PDZD9: variants seen among roughly 807,000 people sequenced by gnomAD.
PDZD9 encodes PDZ domain containing 9, also known as PDZ domain-containing protein 9.
In PDZD9, 13 loss-of-function variants were observed where a neutral mutation model predicts 16.3. The observed-to-expected ratio is 0.80, with a 90% CI of 0.52 to 1.27. The LOEUF (loss-of-function observed/expected upper bound fraction) is 1.27, where lower values mean the gene tolerates loss of function less well. PDZD9 is among the 50% of genes most tolerant of loss of function. The probability of loss-of-function intolerance (pLI) is 0.00; values close to 1 mark genes in which losing one functional copy is unlikely to be tolerated. For missense variants in PDZD9, 288 were observed against 310.9 expected (o/e 0.93, Z 0.55); for synonymous variants, 120 against 111.0 (o/e 1.08, Z -0.51).
At chr16:21,992,140 G>T (rs536609998) in intron 2 of PDZD9, among the ~76,000 whole-genome samples, 1 of 152,088 alleles carries the variant, frequency 6.6e-6, no homozygotes, top group Non-Finnish European at 1.5e-5. Context: ...GAGGCAGGAG[G>T]ATTGCTTGAG....
At chr16:21,995,071 C>T (rs182484793) in intron 2 of PDZD9, among the ~76,000 whole-genome samples, 188 of 152,178 alleles carry the variant, frequency 1.2e-3, no homozygotes, top group Non-Finnish European at 2.1e-3. Flanking sequence ...CTGTAGTCCC[C>T]GGTGTTGGAG....
the PDZD9 span, among the ~76,000 whole-genome samples, chr16:21,967,847 C>G: frequency 1.3e-5 from 2 of 152,096 alleles, no homozygotes; most frequent in African/African-American, 4.8e-5. Context: ...TGGTAAAACT[C>G]TGTTAGCCCT....
At chr16:21,969,311 A>G in the PDZD9 span, among the ~76,000 whole-genome samples, 18 of 152,090 alleles carry the variant, frequency 1.2e-4, no homozygotes, top group Non-Finnish European at 2.4e-4. Flanking sequence ...AGGCGGGCGG[A>G]TCACCTGAGG....
downstream of PDZD9, among the ~76,000 whole-genome samples, chr16:21,979,705 A>G (rs1056398039): frequency 6.6e-6 from 1 of 151,706 alleles, no homozygotes; most frequent in Non-Finnish European, 1.5e-5. Context: ...CTGGGACATT[A>G]CTGTGCACTG....
chr16:21,962,576 C>T, the PDZD9 span: 62 of 1,610,066 alleles, frequency 3.9e-5, no homozygotes, highest in Non-Finnish European at 4.9e-5. Context: ...CTGCTCACTT[C>T]TGGTCTTTGT....
chr16:21,989,983 C>G (rs1415774736), intron 2 of PDZD9, among the ~76,000 whole-genome samples: 1 of 152,180 alleles, frequency 6.6e-6, no homozygotes, highest in Non-Finnish European at 1.5e-5. Context: ...GGAGGAGATG[C>G]AAAAGAGTGA....
chr16:22,000,409 T>A (rs1597986118), intron 1 of PDZD9, among the ~76,000 whole-genome samples: 1 of 145,860 alleles, frequency 6.9e-6, no homozygotes, highest in Non-Finnish European at 1.5e-5. Context: ...GGAGCTGCAG[T>A]GGGGTGGGGT....
At chr16:21,995,144 T>C (rs1326720088) in intron 2 of PDZD9, 1 of 434,824 alleles carries the variant, frequency 2.3e-6, no homozygotes, top group Admixed American at 2.4e-5. Flanking sequence ...GTTCTCGTGA[T>C]AGCGAGTGAG....
the PDZD9 span, chr16:21,965,529 A>G: frequency 6.6e-7 from 1 of 1,516,082 alleles, no homozygotes. Flanking sequence ...ATATTTTGAA[A>G]TGTGCTTGTT....
Position 21,984,248 on chromosome 16 carries a change from T to A in PDZD9, c.*19A>T. 6.3e-7 allele frequency: 1 copy of A among 1,589,236 alleles called. No homozygotes were observed. Among genetic ancestry groups the A allele is most frequent in the Middle Eastern group, 1.7e-4 (1 of 5,940 alleles). The stretch of plus-strand genomic sequence containing the variant: ...ACTTGGGTGTCTGCAAGATAAATGC[T>A]CATATGACCACAGATTTGCTAACCA... On this transcript the variant is annotated 3_prime_UTR_variant, in exon 4 of 4. Transcript: ENST00000424898.
chr16:21,974,654 G>A, the PDZD9 span, among the ~76,000 whole-genome samples: 1 of 152,190 alleles, frequency 6.6e-6, no homozygotes, highest in African/African-American at 2.4e-5. Context: ...GTGTGGGCTA[G>A]TGGAGCTTAG....
downstream of PDZD9, among the ~76,000 whole-genome samples, chr16:21,982,703 G>A (rs1175653571): frequency 6.6e-6 from 1 of 152,178 alleles, no homozygotes; most frequent in Admixed American, 6.5e-5. Context: ...GGTGGCTCAC[G>A]CCTGTAATCC....
At chr16:21,958,159 G>A in the PDZD9 span, among the ~76,000 whole-genome samples, 1 of 152,156 alleles carries the variant, frequency 6.6e-6, no homozygotes, top group Non-Finnish European at 1.5e-5. Context: ...ATTTGCCACA[G>A]AGAAGCACTA....
the PDZD9 span, among the ~76,000 whole-genome samples, chr16:21,958,306 A>C: frequency 6.6e-6 from 1 of 152,230 alleles, no homozygotes; most frequent in Non-Finnish European, 1.5e-5. Flanking sequence ...AGACTAATGA[A>C]TCCAGTAAGC....
At chr16:21,973,883 C>G in the PDZD9 span, 2 of 1,611,172 alleles carry the variant, frequency 1.2e-6, no homozygotes, top group South Asian at 2.2e-5. Context: ...AGTAAAGTCT[C>G]ATTATCTTTC....
At chr16:21,958,430 G>T in the PDZD9 span, 3 of 999,616 alleles carry the variant, frequency 3.0e-6, no homozygotes, top group African/African-American at 3.3e-5. Context: ...CAGGAATTTA[G>T]TAAAATTCTT....
chr16:21,996,489 C>A lies in PDZD9; in HGVS notation c.44G>T (p.Ser15Ile). Reference protein sequence around the residue: ...SHKNKKERGVSNKVKTSVHNL... With the variant: ...SHKNKKERGVINKVKTSVHNL... ...GTGTACAGATGTTTTGACCTTGTTG[C>A]TGACTCCTCTTTCTAACCAAAAGAG... The change falls in exon 2 of 4, where the codon AGC becomes ATC. Residue 15 changes from serine to isoleucine, a missense_variant. Coordinates refer to ENST00000424898, the MANE Select transcript of PDZD9 (RefSeq NM_001363519.1). 1 of 1,534,950 alleles carries A rather than the reference C, an allele frequency of 6.5e-7. No homozygotes were observed.
At chr16:21,962,907 A>G in the PDZD9 span, 1 of 1,607,600 alleles carries the variant, frequency 6.2e-7, no homozygotes, top group Admixed American at 1.7e-5. Context: ...TCCAGATCAC[A>G]TTTGATTCTA....
chr16:21,984,192 T>A lies in PDZD9; in HGVS notation c.*75A>T. 1 of 1,484,538 alleles carries A rather than the reference T, an allele frequency of 6.7e-7. No homozygotes were observed. The highest frequency in any genetic ancestry group is 9.1e-7 in the Non-Finnish European group (1 of 1,094,522). The allele number at this position is 1,484,538 out of a possible 1,614,324, so 92.0% of individuals were successfully genotyped here. ...GAGTCTACAGACAGTCCTTGATAAG[T>A]ACAGCAAACTTGTGCCTGGTGAGGC... is the stretch of plus-strand genomic sequence containing the variant. On this transcript the variant is annotated 3_prime_UTR_variant, in exon 4 of 4. Transcript: ENST00000424898.
Sources: gnomAD v4.1 joint callset for allele counts (sites outside exome capture counted in the v4.1 genomes callset) on GRCh38, gnomAD v4.1.1 for gene constraint, MANE v1.5 for transcripts, NCBI Gene and HGNC (gene_info 2026-07-23, HGNC 2026-07-21) for gene names.